NAV3: variants seen among roughly 807,000 people sequenced by gnomAD.
NAV3 encodes neuron navigator 3.
Under a neutral mutation model 244.7 loss-of-function variants are expected in NAV3, and 87 were observed. That is an observed-to-expected ratio of 0.36 (90% confidence interval 0.30 to 0.42). NAV3 has a LOEUF of 0.42. NAV3 is among the 20% of genes least tolerant of loss of function. The pLI is 1.00. For synonymous variants in NAV3, 1,126 were observed against 1,042.2 expected, an observed-to-expected ratio of 1.08 and a Z score of -1.55; for missense variants, 2,663 against 2,893.3, an observed-to-expected ratio of 0.92 and a Z score of 1.83.
At chr12:77,755,603 C>CCTTCCTTCCTTCCT in intron 2 of NAV3, among the ~76,000 whole-genome samples, 1 of 70,380 alleles carries the variant, frequency 1.4e-5, no homozygotes, top group Non-Finnish European at 2.8e-5. Flanking sequence ...CCCTCCCTCC[C>CCTTCCTTCCTTCCT]TCCCTCCCTC....
At chr12:77,799,310 C>T (rs979059913) in intron 2 of NAV3, among the ~76,000 whole-genome samples, 1 of 152,186 alleles carries the variant, frequency 6.6e-6, no homozygotes, top group African/African-American at 2.4e-5. Context: ...TTGAGCCTCC[C>T]TCGCTTTAGT....
intron 2 of NAV3, among the ~76,000 whole-genome samples, chr12:77,633,068 C>T (rs1565745499): frequency 6.6e-6 from 1 of 151,996 alleles, no homozygotes; most frequent in Non-Finnish European, 1.5e-5. Flanking sequence ...AGAGTATACT[C>T]AGTTATTAGG....
intron 23 of NAV3, among the ~76,000 whole-genome samples, chr12:78,165,650 T>C (rs1957750132): frequency 6.6e-6 from 1 of 151,820 alleles, no homozygotes; most frequent in Non-Finnish European, 1.5e-5. Context: ...TTTCTATGCA[T>C]TATAGAAACC....
intron 5 of NAV3, among the ~76,000 whole-genome samples, chr12:77,981,967 T>C (rs1869648276): frequency 6.6e-6 from 1 of 152,128 alleles, no homozygotes; most frequent in African/African-American, 2.4e-5. Flanking sequence ...GGTAAATAGA[T>C]AGGGCCAGAA....
At chr12:77,819,938 G>A (rs1387166924) in intron 2 of NAV3, among the ~76,000 whole-genome samples, 1 of 152,106 alleles carries the variant, frequency 6.6e-6, no homozygotes, top group Admixed American at 6.6e-5. Context: ...AGAAATCATT[G>A]TGAAATTTCA....
intron 5 of NAV3, among the ~76,000 whole-genome samples, chr12:77,971,865 T>TTA (rs1893025214): frequency 6.6e-6 from 1 of 152,220 alleles, no homozygotes; most frequent in Non-Finnish European, 1.5e-5. Flanking sequence ...TGTTTCTGTT[T>TTA]TATTCTCTTT....
chr12:78,008,246 A>T (rs942072402), intron 8 of NAV3, among the ~76,000 whole-genome samples: 3 of 151,062 alleles, frequency 2.0e-5, no homozygotes, highest in African/African-American at 7.3e-5. Flanking sequence ...TTATTTATTT[A>T]TTGTTTATTT....
intron 9 of NAV3, among the ~76,000 whole-genome samples, chr12:78,026,360 C>T (rs920924241): frequency 5.3e-5 from 8 of 152,224 alleles, no homozygotes; most frequent in African/African-American, 1.9e-4. Context: ...TTGTACCCCT[C>T]GAAAACTCTT....
intron 31 of NAV3, among the ~76,000 whole-genome samples, chr12:78,187,730 C>A (rs1031866107): frequency 2.6e-5 from 4 of 151,800 alleles, no homozygotes; most frequent in Admixed American, 1.3e-4. Context: ...TCATAGATAA[C>A]ACATTTTAAA....
At chr12:77,982,317 C>G (rs538869493) in intron 5 of NAV3, among the ~76,000 whole-genome samples, 1 of 63,024 alleles carries the variant, frequency 1.6e-5, no homozygotes, top group African/African-American at 3.9e-5. Context: ...GACCTTTCCA[C>G]AAATAAATTG....
chr12:78,102,847 C>A (rs1954606066), intron 12 of NAV3, among the ~76,000 whole-genome samples: 1 of 152,196 alleles, frequency 6.6e-6, no homozygotes, highest in Admixed American at 6.5e-5. Flanking sequence ...GCTGGAGTGA[C>A]TGGGACACAG....
chr12:77,806,107 CA>C (rs1215642889), intron 2 of NAV3, among the ~76,000 whole-genome samples: 4 of 151,970 alleles, frequency 2.6e-5, no homozygotes, highest in Non-Finnish European at 5.9e-5. Flanking sequence ...TTGATCTTTT[CA>C]AAAAACCAGC....
chr12:78,118,324 T>C (rs202108051), intron 14 of NAV3, 27 bp downstream of exon 14: 122 of 1,571,064 alleles, frequency 7.8e-5, no homozygotes, highest in Middle Eastern at 1.7e-4. Flanking sequence ...CCAGCTGTTA[T>C]GCAAAAGTGC....
chr12:78,165,810 T>C (rs1005311434), intron 23 of NAV3, among the ~76,000 whole-genome samples: 6 of 151,802 alleles, frequency 4.0e-5, no homozygotes, highest in African/African-American at 1.4e-4. Context: ...TATAATACTA[T>C]TGGGAAAGAG....
Position 77,630,601 on chromosome 12 carries a change from G to T in NAV3, c.72+58335G>T, listed in dbSNP as rs142689909. Reference sequence around the variant, plus strand: ...CCGTACATGTCTTTTAAGTATAACTGGCTGTGTGAAATGCATTAAAGACGT... The same window carrying T: ...CCGTACATGTCTTTTAAGTATAACTTGCTGTGTGAAATGCATTAAAGACGT... On this transcript the variant is annotated intron_variant, in intron 2 of 8. Coordinates refer to the NAV3 transcript ENST00000550042. 9.3e-4 allele frequency among the ~76,000 whole-genome samples: 142 copies of T among 152,138 alleles called. 4 individuals are homozygous for T. In the East Asian group the frequency reaches 0.023, roughly 25 times the overall value.
chr12:77,800,294 G>A (rs1871639714), intron 2 of NAV3, among the ~76,000 whole-genome samples: 1 of 152,114 alleles, frequency 6.6e-6, no homozygotes, highest in African/African-American at 2.4e-5. Flanking sequence ...ATGCAGAAAT[G>A]GAACATAAAA....
chr12:77,623,182 TATA>T (rs376790835), intron 2 of NAV3, among the ~76,000 whole-genome samples: 254 of 152,276 alleles, frequency 1.7e-3, no homozygotes, highest in African/African-American at 5.9e-3. Flanking sequence ...CAAATTAAAA[TATA>T]ATATTTTTCT....
chr12:77,593,537 C>T (rs1870014740), intron 2 of NAV3, among the ~76,000 whole-genome samples: 1 of 151,150 alleles, frequency 6.6e-6, no homozygotes, highest in African/African-American at 2.4e-5. Flanking sequence ...GCAATCTCCA[C>T]CTCCCGGGTT....
chr12:78,110,986 G>A (rs1413964220), intron 12 of NAV3, among the ~76,000 whole-genome samples: 1 of 152,002 alleles, frequency 6.6e-6, no homozygotes, highest in Non-Finnish European at 1.5e-5. Flanking sequence ...TGAAGGTGGA[G>A]AATGGAAAGG....
Sources: gnomAD v4.1 joint callset for allele counts (sites outside exome capture counted in the v4.1 genomes callset) on GRCh38, gnomAD v4.1.1 for gene constraint, MANE v1.5 for transcripts, NCBI Gene and HGNC (gene_info 2026-07-23, HGNC 2026-07-21) for gene names.